The following GMFB variants were observed in gnomAD, a reference collection of about 807,000 sequenced individuals.
GMFB encodes the protein GMF-beta.
A neutral mutation model predicts 25.6 loss-of-function variants in GMFB; 13 were observed. The ratio of observed to expected loss-of-function variants is 0.51; its 90% confidence interval spans 0.33 to 0.81. The LOEUF (loss-of-function observed/expected upper bound fraction) is 0.81, where lower values mean the gene tolerates loss of function less well. Ranked by LOEUF, GMFB falls within the 30% of genes least tolerant of loss-of-function variation. The pLI, the probability that GMFB is intolerant of heterozygous loss-of-function variation, is 0.02. For missense variants in GMFB, 146 were observed against 175.4 expected (o/e 0.83, Z 0.95); for synonymous variants, 57 against 56.9 (o/e 1.00, Z 0.00).
intron 2 of GMFB, chr14:54,483,424 G>A (rs568780159): frequency 3.1e-5 from 13 of 424,986 alleles, no homozygotes; most frequent in South Asian, 1.0e-4. Context: ...GGACCAAGAC[G>A]ACCGCCTTCT....
intron 6 of GMFB, 31 bp downstream of exon 6, chr14:54,479,755 T>C (rs750001227): frequency 1.5e-6 from 2 of 1,295,002 alleles, no homozygotes; most frequent in South Asian, 2.4e-5. Flanking sequence ...GAAAATATTG[T>C]CTCAACAAGT....
intron 1 of GMFB, among the ~76,000 whole-genome samples, chr14:54,485,943 C>G (rs984214900): frequency 2.6e-5 from 4 of 152,120 alleles, no homozygotes; most frequent in African/African-American, 9.7e-5. Context: ...AACCAGATAG[C>G]TATATGCAGA....
chr14:54,482,735 A>C (rs1435434307), intron 2 of GMFB, among the ~76,000 whole-genome samples: 1 of 152,216 alleles, frequency 6.6e-6, no homozygotes, highest in Non-Finnish European at 1.5e-5. Flanking sequence ...CCAAAGCTAA[A>C]TCAAAATAAG....
intron 5 of GMFB, 22 bp downstream of exon 5, chr14:54,480,851 GT>G: frequency 8.3e-7 from 1 of 1,198,914 alleles, no homozygotes; most frequent in Non-Finnish European, 1.2e-6. Flanking sequence ...CCAAATATGT[GT>G]TATTTAAAGA....
intron 1 of GMFB, among the ~76,000 whole-genome samples, chr14:54,487,555 AAAAC>A (rs2031804166): frequency 6.6e-6 from 1 of 151,464 alleles, no homozygotes; most frequent in Non-Finnish European, 1.5e-5. Context: ...AACAAACAAA[AAAAC>A]AAAATTAGCC....
chr14:54,478,272 A>G, intron 6 of GMFB, 113 bp from the exon 7 acceptor site: 1 of 469,986 alleles, frequency 2.1e-6, no homozygotes, highest in Non-Finnish European at 3.8e-6. Context: ...TTTTGGTTAT[A>G]TATTTGAGTA....
At chr14:54,486,117 G>A (rs2140036219) in intron 1 of GMFB, among the ~76,000 whole-genome samples, 1 of 152,236 alleles carries the variant, frequency 6.6e-6, no homozygotes, top group African/African-American at 2.4e-5. Flanking sequence ...GGGCGTGGTG[G>A]CAAGCGTCTG....
chr14:54,488,828 TG>T, intron 1 of GMFB, 96 bp downstream of exon 1: 1 of 1,039,954 alleles, frequency 9.6e-7, no homozygotes, highest in Non-Finnish European at 1.4e-6. Context: ...CGAGCCCTCC[TG>T]GGCGCTGCCC....
In GMFB at chr14:54,479,775, A is replaced by G. The variant is rs2031686402; in HGVS notation, c.357+11T>C. On this transcript the variant is annotated intron_variant, in intron 6 of 6. Transcript: ENST00000358056. ...TATTGTCTCAACAAGTCAGTCAAAT[A>G]TAAATACCACCTTGGTTAGTTCAGC... is the stretch of plus-strand genomic sequence containing the variant. 1 of 1,515,020 alleles carries G rather than the reference A, an allele frequency of 6.6e-7. No individual in the cohort carries two copies. The highest frequency in any genetic ancestry group is 9.2e-7 in the Non-Finnish European group (1 of 1,090,318). The allele number at this position is 1,515,020 out of a possible 1,614,324, so 93.8% of individuals were successfully genotyped here.
intron 1 of GMFB, among the ~76,000 whole-genome samples, chr14:54,485,326 A>G (rs978672450): frequency 1.3e-5 from 2 of 152,180 alleles, no homozygotes; most frequent in African/African-American, 4.8e-5. Flanking sequence ...TGATTTCAGT[A>G]AAGTTTAGGA....
chr14:54,478,200 C>A, intron 6 of GMFB, 41 bp from the exon 7 acceptor site: 16 of 683,952 alleles, frequency 2.3e-5, no homozygotes, highest in Admixed American at 7.6e-5. Flanking sequence ...TTTGACACTC[C>A]AAAAAAAAAG....
At position 54,478,159 on chromosome 14, in the gene GMFB, C is replaced by G; in HGVS notation, c.358G>C (p.Val120Leu). The G allele has an allele frequency of 8.2e-7, 1 of 1,225,518 alleles. No homozygotes were observed. Among genetic ancestry groups the G allele is most frequent in the South Asian group, 1.8e-5 (1 of 55,386 alleles). The allele number at this position is 1,225,518 out of a possible 1,614,324, so 75.9% of individuals were successfully genotyped here. A position where few individuals can be genotyped will look rare whatever the true frequency, so the allele number is the denominator to read the frequency against. Residue 120 changes from valine to leucine, a missense_variant and splice_region_variant, in exon 7 of 7, where the codon GTA becomes CTA. Coordinates refer to ENST00000358056, the MANE Select transcript of GMFB (RefSeq NM_004124.3). ...TCTTCGGTATTTCTTATTTCAAATA[C>G]CTTTAAAAAAAAAAAAAACTTGGGT... The part of the protein sequence containing the change: ...KLVQTAELTK[V>L]FEIRNTEDLT...
chr14:54,477,887 A>G lies in GMFB; in HGVS notation c.*201T>C, dbSNP rs1184434387. ...AGTAGTCCACCTAACAATTACCAAT[A>G]TAAGGAAACACTTTACAAAGTTTCA... On this transcript the variant is annotated 3_prime_UTR_variant, in exon 7 of 7. Transcript: ENST00000358056. 4.8e-6 allele frequency: 2 copies of G among 415,448 alleles called. No individual in the cohort carries two copies. Among genetic ancestry groups the G allele is most frequent in the African/African-American group, 4.2e-5 (2 of 47,972 alleles). 25.7% of individuals were successfully genotyped at this position (415,448 alleles called of 1,614,324 possible). A position where few individuals can be genotyped will look rare whatever the true frequency, so the allele number is the denominator to read the frequency against.
rs2031655975 is a variant in GMFB at position 54,477,522 on chromosome 14, TG to T, written c.*565del. The T allele has an allele frequency of 6.6e-6, 1 of 152,050 alleles. No individual in the cohort carries two copies. The highest frequency in any genetic ancestry group is 2.4e-5 in the African/African-American group (1 of 41,438). 9.4% of individuals were successfully genotyped at this position (152,050 alleles called of 1,614,324 possible). On this transcript the variant is annotated 3_prime_UTR_variant, in exon 7 of 7. Coordinates refer to ENST00000358056, the MANE Select transcript of GMFB (RefSeq NM_004124.3). ...ACTCCCGACCTTAAAAATGAGTGAC[TG>T]ATGAACATAGTTTCTAGACTTGATT...
chr14:54,488,902 C>T, intron 1 of GMFB, 23 bp downstream of exon 1: 1 of 1,557,958 alleles, frequency 6.4e-7, no homozygotes, highest in Non-Finnish European at 8.7e-7. Flanking sequence ...CCTCCGGCCC[C>T]CGCCCTCCCA....
At chr14:54,479,012 T>A (rs1188163498) in intron 6 of GMFB, 1 of 152,040 alleles carries the variant, frequency 6.6e-6, no homozygotes, top group East Asian at 1.9e-4. Flanking sequence ...AAAAGTAATG[T>A]CTATAAAGCA....
In GMFB at chr14:54,483,707, G is replaced by A. The variant is rs747770460; in HGVS notation, c.64C>T (p.Arg22Cys). 1.7e-5 allele frequency: 28 copies of A among 1,608,602 alleles called. No individual in the cohort carries two copies. The highest frequency in any genetic ancestry group is 2.7e-5 in the African/African-American group (2 of 74,712). ...GCGTTGTTCGTTTCTTTGCGAAAAC[G>A]AAACTTTCTCAGCTTTTCCACTAAA... ...EDLVEKLRKF[R>C]FRKETNNAAI... is the part of the protein sequence containing the mutation. The change falls in exon 2 of 7, where the codon CGT becomes TGT. Residue 22 changes from arginine (R) to cysteine (C), a missense_variant. Arg to Cys is a radical substitution (Grantham distance 180). Transcript: ENST00000358056.
chr14:54,484,145 G>A (rs1366227325), intron 1 of GMFB: 3 of 258,322 alleles, frequency 1.2e-5, no homozygotes, highest in Non-Finnish European at 2.3e-5. Flanking sequence ...TTTTTACACA[G>A]TGAAGGAAGA....
chr14:54,481,530 C>A, intron 3 of GMFB, 72 bp from the exon 4 acceptor site: 1 of 900,574 alleles, frequency 1.1e-6, no homozygotes, highest in South Asian at 1.3e-5. Context: ...CACCAAGCAC[C>A]CATTCTACTA....
Sources: allele counts gnomAD v4.1 joint callset (sites outside exome capture counted in the v4.1 genomes callset), GRCh38; gene constraint gnomAD v4.1.1; transcripts MANE v1.5; gene names NCBI Gene and HGNC (gene_info 2026-07-23, HGNC 2026-07-21).